BTBD7: variants seen among roughly 807,000 people sequenced by gnomAD.
BTBD7 encodes the protein BTB/POZ domain-containing protein 7.
BTBD7 carries 38 observed loss-of-function variants against 99.9 expected under a neutral mutation model. The observed-to-expected ratio is 0.38, with a 90% CI of 0.29 to 0.50. The LOEUF (loss-of-function observed/expected upper bound fraction) is 0.50. BTBD7 is among the 20% of genes least tolerant of loss of function. The pLI, the probability that BTBD7 is intolerant of heterozygous loss-of-function variation, is 0.93. For synonymous variants in BTBD7, 520 were observed against 511.4 expected (o/e 1.02, Z -0.23); for missense variants, 1,170 against 1,394.6 (o/e 0.84, Z 2.57).
intron 3 of BTBD7, among the ~76,000 whole-genome samples, chr14:93,276,570 TA>T (rs1566845533): frequency 2.0e-5 from 3 of 152,140 alleles, no homozygotes. Flanking sequence ...TAGTACTCTG[TA>T]AAAAATTAAT....
intron 1 of BTBD7, among the ~76,000 whole-genome samples, chr14:93,301,494 A>G (rs371901652): frequency 1.3e-5 from 2 of 149,068 alleles, no homozygotes; most frequent in African/African-American, 5.0e-5. Context: ...CCAGCCAAAA[A>G]ATATTTTTAC....
intron 1 of BTBD7, among the ~76,000 whole-genome samples, chr14:93,311,255 C>T (rs1346938534): frequency 6.6e-6 from 1 of 152,136 alleles, no homozygotes; most frequent in East Asian, 1.9e-4. Context: ...GTTCCTGAGA[C>T]CTTATGACAT....
Position 93,294,717 on chromosome 14 carries a change from T to C in BTBD7, c.303A>G (p.Leu101=), listed in dbSNP as rs776722827. Residue 101 remains leucine (L), a synonymous_variant, in exon 3 of 11, where the codon TTA becomes TTG. Coordinates refer to ENST00000334746, the MANE Select transcript of BTBD7 (RefSeq NM_001002860.4). ...SGWDVRDVNA[L]VEEYEGTSAL... is the part of the protein sequence containing the mutation. ...CTGATGTTCCCTCATATTCCTCCACTAATGCATTGACATCTCTAACATCCC... is the reference window on the plus strand; with the variant it reads ...CTGATGTTCCCTCATATTCCTCCACCAATGCATTGACATCTCTAACATCCC... The C allele has an allele frequency of 1.2e-6, 2 of 1,614,136 alleles. No homozygotes were observed. The highest frequency in any genetic ancestry group is 1.7e-6 in the Non-Finnish European group (2 of 1,180,010).
Position 93,292,387 on chromosome 14 carries a change from A to T in BTBD7, c.1162+1471T>A, listed in dbSNP as rs78752103. Among the ~76,000 whole-genome samples the T allele has an allele frequency of 5.3e-4, 81 of 152,294 alleles. No individual in the cohort carries two copies. In the East Asian group the frequency reaches 0.015, roughly 28 times the overall value. ...GTTTTACAGAAAAAAATAGTAGCTT[A>T]AACTGCTACTCTATTTTTGATAACA... On this transcript the variant is annotated intron_variant, in intron 3 of 10. Coordinates refer to ENST00000334746, the MANE Select transcript of BTBD7 (RefSeq NM_001002860.4).
chr14:93,312,203 T>C (rs552769802), intron 1 of BTBD7, among the ~76,000 whole-genome samples: 36 of 152,332 alleles, frequency 2.4e-4, no homozygotes, highest in South Asian at 1.7e-3. Context: ...TGAATACCTA[T>C]AACCAGTGAG....
chr14:93,287,327 C>G (rs1385360054), intron 3 of BTBD7, among the ~76,000 whole-genome samples: 2 of 133,606 alleles, frequency 1.5e-5, no homozygotes, highest in Non-Finnish European at 1.6e-5. Context: ...CCCCCGCCCC[C>G]CCACCCCGTC....
At chr14:93,274,740 A>C (rs1001163435) in intron 3 of BTBD7, among the ~76,000 whole-genome samples, 2 of 152,156 alleles carry the variant, frequency 1.3e-5, no homozygotes, top group Non-Finnish European at 2.9e-5. Flanking sequence ...ACGAGGCTCT[A>C]CTTTTTGGAG....
intron 1 of BTBD7, among the ~76,000 whole-genome samples, chr14:93,330,801 T>C (rs1256498248): frequency 6.6e-6 from 1 of 152,256 alleles, no homozygotes; most frequent in African/African-American, 2.4e-5. Flanking sequence ...AAGGTTTACC[T>C]GAGACACACT....
intron 3 of BTBD7, among the ~76,000 whole-genome samples, chr14:93,268,691 A>C (rs2052568809): frequency 6.6e-6 from 1 of 151,694 alleles, no homozygotes; most frequent in African/African-American, 2.4e-5. Flanking sequence ...AGTCCTACCT[A>C]AACATATCCT....
chr14:93,278,204 G>C (rs2052678236), intron 3 of BTBD7, among the ~76,000 whole-genome samples: 1 of 152,096 alleles, frequency 6.6e-6, no homozygotes, highest in Non-Finnish European at 1.5e-5. Context: ...CTTGAGGTCA[G>C]GAGTTCGAGA....
chr14:93,314,929 T>C (rs11626525), intron 1 of BTBD7, among the ~76,000 whole-genome samples: 2,129 of 152,258 alleles, frequency 0.014, 23 homozygotes, highest in Middle Eastern at 0.034. Flanking sequence ...TGGCTGTTCT[T>C]TTTACAAATT....
chr14:93,290,084 T>C (rs1173322157), intron 3 of BTBD7, among the ~76,000 whole-genome samples: 3 of 151,870 alleles, frequency 2.0e-5, no homozygotes, highest in African/African-American at 7.3e-5. Context: ...AACTCCTGAC[T>C]TCAGGTGATC....
Position 93,242,843 on chromosome 14 carries a change from C to T in BTBD7, c.2829G>A (p.Pro943=), listed in dbSNP as rs1288045967. The T allele has an allele frequency of 8.1e-6, 13 of 1,613,904 alleles. No homozygotes were observed. Among genetic ancestry groups the T allele is most frequent in the African/African-American group, 1.3e-5 (1 of 74,870 alleles). ...CAGCATTTGAGAAGTCATAGAAATC[C>T]GGATATTCCTGTGGATTTTCTCTGG... ...TDTRENPQEY[P]DFYDFSNAAC... Residue 943 remains proline, a synonymous_variant, in exon 11 of 11, where the codon CCG becomes CCA. Coordinates refer to ENST00000334746, the MANE Select transcript of BTBD7 (RefSeq NM_001002860.4).
At chr14:93,252,925 G>T (rs557522859) in intron 7 of BTBD7, among the ~76,000 whole-genome samples, 2 of 152,140 alleles carry the variant, frequency 1.3e-5, no homozygotes, top group South Asian at 4.2e-4. Flanking sequence ...CCAGGCTCAG[G>T]TGATTCTCCT....
chr14:93,322,862 C>T (rs1204831359), intron 1 of BTBD7, among the ~76,000 whole-genome samples: 1 of 152,166 alleles, frequency 6.6e-6, no homozygotes, highest in Non-Finnish European at 1.5e-5. Flanking sequence ...GCCTATAATT[C>T]CAGTGCTTTG....
chr14:93,299,437 A>C (rs1220504867), intron 1 of BTBD7, among the ~76,000 whole-genome samples: 3 of 152,226 alleles, frequency 2.0e-5, no homozygotes, highest in Non-Finnish European at 4.4e-5. Flanking sequence ...ACAGACATCC[A>C]ATCTTTGTAT....
chr14:93,260,230 C>T (rs892478011), intron 5 of BTBD7, among the ~76,000 whole-genome samples: 1 of 152,120 alleles, frequency 6.6e-6, no homozygotes, highest in East Asian at 1.9e-4. Flanking sequence ...GACTTGAACA[C>T]TTCAAACCGG....
chr14:93,287,328 C>T (rs986962600), intron 3 of BTBD7, among the ~76,000 whole-genome samples: 1 of 134,288 alleles, frequency 7.4e-6, no homozygotes, highest in Non-Finnish European at 1.6e-5. Flanking sequence ...CCCCGCCCCC[C>T]CACCCCGTCC....
chr14:93,306,509 CAA>C, intron 1 of BTBD7, among the ~76,000 whole-genome samples: 1 of 147,022 alleles, frequency 6.8e-6, no homozygotes, highest in East Asian at 2.0e-4. Flanking sequence ...AGTCTAAAAA[CAA>C]AAGTTTTCTA....
Sources: gnomAD v4.1 joint callset for allele counts (sites outside exome capture counted in the v4.1 genomes callset) on GRCh38, gnomAD v4.1.1 for gene constraint, MANE v1.5 for transcripts, NCBI Gene and HGNC (gene_info 2026-07-23, HGNC 2026-07-21) for gene names.